The following BICDL2 variants were observed in gnomAD, a reference collection of about 807,000 sequenced individuals.
BICDL2 encodes BICD family-like cargo adapter 2.
Under a neutral mutation model 56.6 loss-of-function variants are expected in BICDL2, and 62 were observed. The ratio of observed to expected loss-of-function variants is 1.10; its 90% CI spans 0.89 to 1.35. The LOEUF (loss-of-function observed/expected upper bound fraction) is 1.35, where lower values mean the gene tolerates loss of function less well. BICDL2 is among the 40% of genes most tolerant of loss of function. BICDL2 has a pLI of 0.00. For missense variants in BICDL2, 808 were observed against 684.5 expected, an observed-to-expected ratio of 1.18 and a Z score of -2.01; for synonymous variants, 358 against 319.8, an observed-to-expected ratio of 1.12 and a Z score of -1.27.
At chr16:3,035,034 T>G (rs1034693833) in intron 2 of BICDL2, 181 bp downstream of exon 2, 1 of 625,308 alleles carries the variant, frequency 1.6e-6, no homozygotes. Context: ...TCTTTGCCAC[T>G]GGGCAACACT....
intron 1 of BICDL2, 31 bp downstream of exon 1, chr16:3,036,863 G>T (rs1261661937): frequency 3.4e-6 from 1 of 292,750 alleles, no homozygotes; most frequent in Non-Finnish European, 6.6e-6. Context: ...GGCTCGAGGG[G>T]CCCGGCCCTC....
At position 3,028,369 on chromosome 16, in the gene BICDL2, C is replaced by T. The variant is rs1310045549; in HGVS notation, c.1338G>A (p.Thr446=). The T allele has an allele frequency of 6.4e-7, 1 of 1,550,788 alleles. No individual in the cohort carries two copies. Among genetic ancestry groups the T allele is most frequent in the South Asian group, 1.2e-5 (1 of 85,630 alleles). Residue 446 remains threonine, a synonymous_variant, in exon 9 of 10, where the codon ACG becomes ACA. Transcript: ENST00000572449. ...TCACCTGCCAGGCCTCCAGCTCCTG[C>T]GTGAGCGCCACCTTCTGGCGGATGG... ...LRAIRQKVAL[T]QELEAWQDDM... is the part of the protein sequence containing the mutation.
chr16:3,029,828 G>C, intron 5 of BICDL2, 89 bp from the exon 6 acceptor site: 1 of 1,179,816 alleles, frequency 8.5e-7, no homozygotes, highest in Non-Finnish European at 1.1e-6. Context: ...CGGGGGTGCC[G>C]CGGAGAGCCC....
chr16:3,030,542 C>T lies in BICDL2; in HGVS notation c.669G>A (p.Leu223=), dbSNP rs1167733169. 2 of 1,599,800 alleles carry T rather than the reference C, an allele frequency of 1.3e-6. No individual in the cohort carries two copies. The highest frequency in any genetic ancestry group is 1.7e-5 in the Admixed American group (1 of 59,220). Residue 223 remains leucine (L), a synonymous_variant, in exon 5 of 10, where the codon CTG becomes CTA. Transcript: ENST00000572449. ...CCTCACCCTTCTCCACCTCCTCACG[C>T]AGGCCTCGGATCTGGGCCTCCAGGT... ...RQDLEAQIRG[L]REEVEKGEGR... is the part of the protein sequence containing the mutation.
intron 2 of BICDL2, chr16:3,031,788 G>GC (rs1484778119): frequency 2.4e-5 from 9 of 369,296 alleles, no homozygotes; most frequent in African/African-American, 1.9e-4. Context: ...CAGGTACCCT[G>GC]CATTAGGGCT....
At chr16:3,028,631 A>G in intron 8 of BICDL2, 69 bp downstream of exon 8, 15 of 1,532,638 alleles carry the variant, frequency 9.8e-6, no homozygotes, top group Non-Finnish European at 1.3e-5. Context: ...AACCCGTATC[A>G]GAAGAGGAAT....
At chr16:3,029,796 G>C in intron 5 of BICDL2, 57 bp from the exon 6 acceptor site, 1 of 1,396,192 alleles carries the variant, frequency 7.2e-7, no homozygotes, top group Non-Finnish European at 9.4e-7. Context: ...ACGCAACGCC[G>C]ACATCCCGCG....
At chr16:3,036,668 C>T (rs1478855681) in intron 1 of BICDL2, 2 of 450,712 alleles carry the variant, frequency 4.4e-6, no homozygotes, top group Non-Finnish European at 8.9e-6. Context: ...TCCCCTTCCG[C>T]ACCTAGCTGC....
At position 3,030,564 on chromosome 16, in the gene BICDL2, A is replaced by G; in HGVS notation, c.647T>C (p.Leu216Pro). The change falls in exon 5 of 10, where the codon CTG becomes CCG. Residue 216 changes from leucine to proline, a missense_variant. Leu to Pro is a moderately conservative substitution (Grantham distance 98, BLOSUM62 -3). Transcript: ENST00000572449. ...ACGCAGGCCTCGGATCTGGGCCTCC[A>G]GGTCCTGCCGGCGGCTCTGCAGCAT... ...NQMLQSRRQD[L>P]EAQIRGLREE... 1 of 1,597,524 alleles carries G rather than the reference A, an allele frequency of 6.3e-7. No homozygotes were observed. The highest frequency in any genetic ancestry group is 8.5e-7 in the Non-Finnish European group (1 of 1,176,100).
chr16:3,033,333 C>G lies in BICDL2; in HGVS notation c.282+1882G>C, dbSNP rs552029366. On this transcript the variant is annotated intron_variant, in intron 2 of 9. Coordinates refer to ENST00000572449, the MANE Select transcript of BICDL2 (RefSeq NM_001369667.1). ...AACAACAATAATAAAAGAGTGGAAG[C>G]TGGGGACTCAGGAGAAGGTGGCTGG... Among the ~76,000 whole-genome samples, 32 of 152,034 alleles carry G rather than the reference C, an allele frequency of 2.1e-4. No homozygotes were observed. The South Asian group carries it at 5.2e-3, about 25-fold the overall frequency.
At chr16:3,031,384 TG>T in intron 2 of BICDL2, 2 of 572,946 alleles carry the variant, frequency 3.5e-6, no homozygotes, top group African/African-American at 1.9e-5. Context: ...AGGGTTGGGG[TG>T]GGGGGATCTC....
At chr16:3,030,185 C>G in intron 5 of BICDL2, 1 of 541,674 alleles carries the variant, frequency 1.8e-6, no homozygotes, top group Non-Finnish European at 3.3e-6. Flanking sequence ...CAGCCGTGGT[C>G]TAGGGGCTGT....
chr16:3,035,176 T>TTGGGCCGGGGGG, intron 2 of BICDL2, 39 bp downstream of exon 2: 1 of 136,274 alleles, frequency 7.3e-6, no homozygotes, highest in Non-Finnish European at 1.4e-5. Context: ...CGTCCTCCCC[T>TTGGGCCGGGGGG]GCCCACCCAC....
At chr16:3,028,640 A>C (rs571693095) in intron 8 of BICDL2, 60 bp downstream of exon 8, 7 of 1,538,196 alleles carry the variant, frequency 4.6e-6, no homozygotes, top group Non-Finnish European at 5.3e-6. Context: ...CAGAAGAGGA[A>C]TCAGGAGCCC....
chr16:3,034,697 T>TCCTTCCTTCCTTCCTTCCTTCC (rs1567423993), intron 2 of BICDL2, among the ~76,000 whole-genome samples: 62 of 140,974 alleles, frequency 4.4e-4, no homozygotes, highest in African/African-American at 1.6e-3. Context: ...TCCTTCCCCT[T>TCCTTCCTTCCTTCCTTCCTTCC]CCTTCCTTCC....
rs775363969 is a variant in BICDL2 at position 3,028,705 on chromosome 16, C to G, written c.1233G>C (p.Val411=). ...GTCAATGGCTTGAGGCTTACTTGTT[C>G]ACGGCCTCGTCCCGGTCTGAGAGGG... ...HSALSDRDEA[V]NKALELSLQL... Residue 411 remains valine (V), a synonymous_variant, in exon 8 of 10, where the codon GTG becomes GTC. Transcript: ENST00000572449. 2.4e-5 allele frequency: 37 copies of G among 1,569,438 alleles called. No homozygotes were observed. The South Asian group carries it at 4.3e-4, about 18-fold the overall frequency.
At chr16:3,030,653 C>CT in intron 4 of BICDL2, 43 bp downstream of exon 4, 4 of 1,595,374 alleles carry the variant, frequency 2.5e-6, no homozygotes, top group Non-Finnish European at 1.7e-6. Flanking sequence ...CTCAGCCCGG[C>CT]TTTTTTGGCT....
In BICDL2 at chr16:3,035,384, A is replaced by G; in HGVS notation, c.113T>C (p.Leu38Pro). ...PFVLERRDSFLGGGPGPEEPE... is the reference protein window; with the variant it reads ...PFVLERRDSFPGGGPGPEEPE... ...CTCCTCAGGCCCTGGGCCCCCTCCC[A>G]GGAATGAGTCCCGCCGCTCCAGCAC... is the stretch of plus-strand genomic sequence containing the variant. Residue 38 changes from leucine (L) to proline (P), a missense_variant, in exon 2 of 10, where the codon CTG becomes CCG. Transcript: ENST00000572449. 4 of 1,609,350 alleles carry G rather than the reference A, an allele frequency of 2.5e-6. No individual in the cohort carries two copies. The South Asian group carries it at 3.3e-5, about 13-fold the overall frequency.
intron 5 of BICDL2, chr16:3,030,070 C>G (rs918525111): frequency 2.2e-6 from 1 of 462,298 alleles, no homozygotes; most frequent in South Asian, 3.5e-5. Flanking sequence ...GAAGGGGCAC[C>G]GGGATGCGAA....
Sources: gnomAD v4.1 joint callset for allele counts (sites outside exome capture counted in the v4.1 genomes callset) on GRCh38, gnomAD v4.1.1 for gene constraint, MANE v1.5 for transcripts, NCBI Gene and HGNC (gene_info 2026-07-23, HGNC 2026-07-21) for gene names.